The following EHBP1 variants were observed in gnomAD, a reference collection of about 807,000 sequenced individuals.
The protein encoded by EHBP1 is EH domain binding protein 1.
EHBP1 carries 55 observed loss-of-function variants against 144.0 expected under a neutral mutation model. The observed-to-expected ratio is 0.38, with a 90% confidence interval of 0.31 to 0.48. The LOEUF (loss-of-function observed/expected upper bound fraction) is 0.48, where lower values mean the gene tolerates loss of function less well. EHBP1 is among the 20% of genes least tolerant of loss of function. The probability of loss-of-function intolerance (pLI) is 0.98; values close to 1 mark genes in which losing one functional copy is unlikely to be tolerated. For missense variants in EHBP1, 1,200 were observed against 1,364.2 expected, an observed-to-expected ratio of 0.88 and a Z score of 1.90; for synonymous variants, 469 against 472.7, an observed-to-expected ratio of 0.99 and a Z score of 0.10.
rs781210377 is a variant in EHBP1 at position 62,942,865 on chromosome 2, G to T, written c.1333G>T (p.Ala445Ser). Residue 445 changes from alanine (A) to serine (S), a missense_variant, in exon 11 of 23, where the codon GCA (alanine) becomes TCA (serine). Around this residue, in one of 6 missense-constraint regions of EHBP1, gnomAD observed 94 missense variants for 143.0 expected, o/e 0.66. Transcript: ENST00000431489. ...GTGGAGAAATGGTTTATCTTTTTGT[G>T]CAATATTACACCACTTTAGACCAGA... ...TSWRNGLSFC[A>S]ILHHFRPDLI... 3 of 1,613,092 alleles carry T rather than the reference G, an allele frequency of 1.9e-6. No individual in the cohort carries two copies. The African/African-American group carries it at 4.0e-5, about 22-fold the overall frequency.
chr2:62,963,716 C>G (rs2058106398), intron 14 of EHBP1, among the ~76,000 whole-genome samples: 1 of 152,122 alleles, frequency 6.6e-6, no homozygotes, highest in African/African-American at 2.4e-5. Context: ...ATTAAAAAAT[C>G]TAAGACCTTT....
chr2:62,900,338 C>T (rs2053294235), intron 10 of EHBP1, among the ~76,000 whole-genome samples: 1 of 152,086 alleles, frequency 6.6e-6, no homozygotes, highest in Non-Finnish European at 1.5e-5. Context: ...AATGACCAGG[C>T]ATAGTAGCTC....
chr2:62,741,763 CT>C (rs1428865975), intron 2 of EHBP1, among the ~76,000 whole-genome samples: 1 of 151,842 alleles, frequency 6.6e-6, no homozygotes, highest in East Asian at 1.9e-4. Context: ...CTAACTGTGA[CT>C]TGAAAATATT....
Position 62,990,757 on chromosome 2 carries a change from C to G in EHBP1, c.2650C>G (p.Leu884Val), listed in dbSNP as rs2059381475. Residue 884 changes from leucine to valine, a missense_variant, in exon 16 of 23, where the codon CTA (leucine) becomes GTA (valine). Physicochemically the swap from Leu to Val is conservative, Grantham distance 32 (BLOSUM62 1). Coordinates refer to ENST00000431489, the MANE Select transcript of EHBP1 (RefSeq NM_001142616.3). ...KLVDLKLKKL[L>V]EVQPQVANSP... ...GGTGGACTTGAAGCTGAAGAAGCTC[C>G]TAGAAGTTCAGCCACAGGTGGCAAA... 1 of 1,613,748 alleles carries G rather than the reference C, an allele frequency of 6.2e-7. No homozygotes were observed. The highest frequency in any genetic ancestry group is 8.5e-7 in the Non-Finnish European group (1 of 1,179,868).
chr2:62,777,800 A>G (rs1167032832), intron 5 of EHBP1, among the ~76,000 whole-genome samples: 1 of 152,170 alleles, frequency 6.6e-6, no homozygotes, highest in Admixed American at 6.5e-5. Context: ...GCAGAGTTGG[A>G]ATAATTCCTG....
chr2:62,734,686 T>C (rs1426072837), intron 2 of EHBP1, among the ~76,000 whole-genome samples: 19 of 152,218 alleles, frequency 1.2e-4, no homozygotes, highest in Non-Finnish European at 5.9e-5. Flanking sequence ...TATTTGTTAC[T>C]GTTCTCTATT....
chr2:62,938,082 T>C (rs2056502709), intron 10 of EHBP1, among the ~76,000 whole-genome samples: 1 of 152,018 alleles, frequency 6.6e-6, no homozygotes, highest in South Asian at 2.1e-4. Flanking sequence ...AAGGTGATTC[T>C]GACATTAAAA....
At chr2:62,729,529 ATATATATAATATATAT>A (rs1470088193) in intron 2 of EHBP1, among the ~76,000 whole-genome samples, 12 of 121,464 alleles carry the variant, frequency 9.9e-5, no homozygotes, top group African/African-American at 2.3e-4. Flanking sequence ...AATAAATATA[ATATATATAATATATAT>A]TATATATAAT....
chr2:62,875,502 C>A (rs1195901467), intron 10 of EHBP1, among the ~76,000 whole-genome samples: 4 of 152,198 alleles, frequency 2.6e-5, no homozygotes, highest in Non-Finnish European at 5.9e-5. Flanking sequence ...CAAAGGACAG[C>A]AGCTTCAAAG....
Position 62,943,854 on chromosome 2 carries a change from A to G in EHBP1, c.1413+4A>G. 1 of 1,596,200 alleles carries G rather than the reference A, an allele frequency of 6.3e-7. No homozygotes were observed. The highest frequency in any genetic ancestry group is 8.6e-7 in the Non-Finnish European group (1 of 1,168,260). ...TATTAAAGAGAACAACAAAAAGGTA[A>G]GAATTGATGAGCAAGAAAAATACGT... On this transcript the variant is annotated splice_donor_region_variant and intron_variant, in intron 12 of 22. Coordinates refer to ENST00000431489, the MANE Select transcript of EHBP1 (RefSeq NM_001142616.3).
intron 10 of EHBP1, among the ~76,000 whole-genome samples, chr2:62,902,225 C>T (rs1558884158): frequency 6.6e-6 from 1 of 151,730 alleles, no homozygotes; most frequent in African/African-American, 2.4e-5. Flanking sequence ...TGAATAAATA[C>T]GATTAAGGTA....
intron 2 of EHBP1, among the ~76,000 whole-genome samples, chr2:62,746,162 T>G (rs1321067819): frequency 6.6e-6 from 1 of 152,062 alleles, no homozygotes; most frequent in African/African-American, 2.4e-5. Flanking sequence ...CCATCATAGA[T>G]CATACCTTCT....
chr2:62,696,170 C>G (rs1350519171), intron 1 of EHBP1, among the ~76,000 whole-genome samples: 1 of 120,362 alleles, frequency 8.3e-6, no homozygotes, highest in African/African-American at 3.1e-5. Context: ...CTCTCTCTTT[C>G]TTTCTTTCTT....
At chr2:62,734,590 G>GT (rs1322227579) in intron 2 of EHBP1, among the ~76,000 whole-genome samples, 1 of 152,120 alleles carries the variant, frequency 6.6e-6, no homozygotes, top group African/African-American at 2.4e-5. Flanking sequence ...ATTGGGTCTT[G>GT]TTTTTTGAAC....
In EHBP1 at chr2:62,859,163, T is replaced by C; in HGVS notation, c.635-6T>C. 1.9e-6 allele frequency: 3 copies of C among 1,609,274 alleles called. No homozygotes were observed. The highest frequency in any genetic ancestry group is 2.5e-6 in the Non-Finnish European group (3 of 1,176,968). ...ATAGGGAACTAACCCATATGTTTAT[T>C]TTCAGAGCTTATCAACAAACTTAAC... On this transcript the variant is annotated splice_region_variant and splice_polypyrimidine_tract_variant and intron_variant, in intron 7 of 22. Transcript: ENST00000431489.
At chr2:62,804,201 T>C (rs1217965600) in intron 5 of EHBP1, among the ~76,000 whole-genome samples, 1 of 152,196 alleles carries the variant, frequency 6.6e-6, no homozygotes, top group African/African-American at 2.4e-5. Flanking sequence ...GGAGAGACAG[T>C]TGATTTTCCT....
At chr2:62,853,064 G>GAAGAAGAT (rs1482745108) in intron 7 of EHBP1, among the ~76,000 whole-genome samples, 2 of 152,136 alleles carry the variant, frequency 1.3e-5, no homozygotes, top group Non-Finnish European at 2.9e-5. Flanking sequence ...TTAGAAAAGG[G>GAAGAAGAT]AAGTTGATAA....
chr2:62,701,169 T>G (rs2034269870), upstream of EHBP1, among the ~76,000 whole-genome samples: 1 of 152,180 alleles, frequency 6.6e-6, no homozygotes, highest in Admixed American at 6.5e-5. Context: ...AACAGCACTG[T>G]CCAATAGGAA....
At chr2:62,745,573 T>TTA (rs1184358041) in intron 2 of EHBP1, among the ~76,000 whole-genome samples, 2 of 152,040 alleles carry the variant, frequency 1.3e-5, no homozygotes. Context: ...CAGGGGTTGG[T>TTA]TATAGAGCAA....
Sources: allele counts gnomAD v4.1 joint callset (sites outside exome capture counted in the v4.1 genomes callset), GRCh38; gene constraint gnomAD v4.1.1; regional missense constraint gnomAD v4.1.1; transcripts MANE v1.5; gene names NCBI Gene and HGNC (gene_info 2026-07-23, HGNC 2026-07-21).